Variants in NPAS3 observed in about 807,000 individuals in gnomAD.
The protein encoded by NPAS3 is neuronal PAS domain protein 3.
Under a neutral mutation model 73.1 loss-of-function variants are expected in NPAS3, and 14 were observed. The observed-to-expected ratio is 0.19, with a 90% CI of 0.13 to 0.30. The LOEUF is 0.30. Among genes scored for constraint, NPAS3 ranks in the 10% least tolerant of loss-of-function variants. The probability of loss-of-function intolerance (pLI) is 1.00; values close to 1 mark genes in which losing one functional copy is unlikely to be tolerated. For missense variants in NPAS3, 1,096 were observed against 1,250.0 expected, an observed-to-expected ratio of 0.88 and a Z score of 1.86; for synonymous variants, 620 against 541.5, an observed-to-expected ratio of 1.14 and a Z score of -2.01.
At chr14:33,234,818 A>G (rs2047975236) in intron 3 of NPAS3, among the ~76,000 whole-genome samples, 1 of 152,124 alleles carries the variant, frequency 6.6e-6, no homozygotes, top group African/African-American at 2.4e-5. Context: ...CACTGTTCCT[A>G]GATTCCCACA....
intron 3 of NPAS3, among the ~76,000 whole-genome samples, chr14:33,296,583 T>C (rs1313237749): frequency 6.6e-6 from 1 of 152,212 alleles, no homozygotes; most frequent in Non-Finnish European, 1.5e-5. Context: ...CACCACTATA[T>C]CACAATTATG....
chr14:33,677,228 T>C (rs1422956588), intron 6 of NPAS3, among the ~76,000 whole-genome samples: 1 of 152,226 alleles, frequency 6.6e-6, no homozygotes, highest in Non-Finnish European at 1.5e-5. Context: ...TTTAAATTAA[T>C]TGAAGTTCCA....
At chr14:33,403,287 G>A (rs1018808292) in intron 4 of NPAS3, among the ~76,000 whole-genome samples, 1 of 151,882 alleles carries the variant, frequency 6.6e-6, no homozygotes, top group Non-Finnish European at 1.5e-5. Flanking sequence ...TAGGTAAATA[G>A]GCATTAAAAA....
chr14:33,386,992 T>G (rs1189987394), intron 4 of NPAS3, among the ~76,000 whole-genome samples: 3 of 152,156 alleles, frequency 2.0e-5, no homozygotes, highest in Non-Finnish European at 2.9e-5. Context: ...CCTCTTGATC[T>G]AAGGGAGGAA....
chr14:33,500,312 G>C (rs1252976107), intron 4 of NPAS3, among the ~76,000 whole-genome samples: 2 of 151,872 alleles, frequency 1.3e-5, no homozygotes, highest in Non-Finnish European at 2.9e-5. Context: ...GGAGTTCTCT[G>C]AAGGTAAAGC....
intron 6 of NPAS3, among the ~76,000 whole-genome samples, chr14:33,682,867 C>T (rs1012280039): frequency 5.3e-5 from 8 of 152,186 alleles, no homozygotes; most frequent in Non-Finnish European, 1.0e-4. Flanking sequence ...TCTCCTGGCC[C>T]GATAGCTGAG....
intron 3 of NPAS3, among the ~76,000 whole-genome samples, chr14:33,275,875 C>T (rs2140035453): frequency 6.6e-6 from 1 of 152,304 alleles, no homozygotes; most frequent in East Asian, 1.9e-4. Flanking sequence ...AGCCACACAA[C>T]TATATGTGAG....
At chr14:32,945,378 T>C (rs1009931392) in intron 1 of NPAS3, among the ~76,000 whole-genome samples, 11 of 152,216 alleles carry the variant, frequency 7.2e-5, no homozygotes, top group African/African-American at 2.7e-4. Context: ...TATATAATAA[T>C]ATAAACATTG....
chr14:32,965,170 T>A (rs907310174), intron 1 of NPAS3, among the ~76,000 whole-genome samples: 15 of 152,284 alleles, frequency 9.9e-5, no homozygotes, highest in Admixed American at 5.9e-4. Flanking sequence ...CTTATCAAAC[T>A]ATTCAAAAAA....
intron 5 of NPAS3, among the ~76,000 whole-genome samples, chr14:33,623,733 A>T (rs193173796): frequency 6.6e-6 from 1 of 152,214 alleles, no homozygotes; most frequent in African/African-American, 2.4e-5. Flanking sequence ...CTCTGTTGTT[A>T]TCTCCTATTA....
intron 3 of NPAS3, among the ~76,000 whole-genome samples, chr14:33,279,663 C>T (rs894270630): frequency 6.6e-6 from 1 of 152,058 alleles, no homozygotes; most frequent in African/African-American, 2.4e-5. Flanking sequence ...ATTTGGAAAG[C>T]ATAGGGGTAG....
In NPAS3 at chr14:33,544,825, A is replaced by ATATATATTATATATATATATAAAAT; in HGVS notation, c.469-15293_469-15292insATATTATATATATATATAAAATTAT. Among the ~76,000 whole-genome samples the ATATATATTATATATATATATAAAAT allele has an allele frequency of 1.8e-4, 20 of 112,170 alleles. 1 individual carries two copies. Among genetic ancestry groups the ATATATATTATATATATATATAAAAT allele is most frequent in the Middle Eastern group, 4.6e-3 (1 of 216 alleles). The allele number at this position is 112,170 out of a possible 152,430, so 73.6% of individuals were successfully genotyped here. Reference sequence around the variant, plus strand: ...ATATATATATATGTATATATAATATATATGTGTATATATATATTATATATA... The same window carrying ATATATATTATATATATATATAAAAT: ...ATATATATATATGTATATATAATATATATATATTATATATATATATAAAATTATGTGTATATATATATTATATATA... On this transcript the variant is annotated intron_variant, in intron 4 of 11. Coordinates refer to ENST00000356141, the Ensembl canonical transcript of NPAS3.
At chr14:32,956,063 T>C (rs546562817) in intron 1 of NPAS3, among the ~76,000 whole-genome samples, 10 of 152,202 alleles carry the variant, frequency 6.6e-5, no homozygotes, top group African/African-American at 2.2e-4. Context: ...AAATATACCA[T>C]TGATGGTTTT....
intron 7 of NPAS3, among the ~76,000 whole-genome samples, chr14:33,750,529 T>C (rs2140756924): frequency 6.6e-6 from 1 of 152,300 alleles, no homozygotes; most frequent in Non-Finnish European, 1.5e-5. Context: ...TTTGTTTACA[T>C]CTACATAGTG....
chr14:33,563,258 A>T (rs945968416), intron 5 of NPAS3, among the ~76,000 whole-genome samples: 13 of 152,056 alleles, frequency 8.5e-5, no homozygotes, highest in African/African-American at 3.1e-4. Flanking sequence ...TAGAATTAGG[A>T]TTCTTTTTTG....
chr14:33,546,750 G>A (rs1042302237), intron 4 of NPAS3, among the ~76,000 whole-genome samples: 9 of 152,310 alleles, frequency 5.9e-5, no homozygotes, highest in African/African-American at 1.7e-4. Context: ...GTGAGGATAC[G>A]TTACTTGCAC....
At chr14:33,343,566 A>T (rs1481747441) in intron 3 of NPAS3, among the ~76,000 whole-genome samples, 1 of 152,134 alleles carries the variant, frequency 6.6e-6, no homozygotes, top group African/African-American at 2.4e-5. Context: ...ATGACAAGGG[A>T]TATCTCAAAC....
intron 1 of NPAS3, among the ~76,000 whole-genome samples, chr14:32,944,443 A>C (rs1056298365): frequency 2.0e-5 from 3 of 152,232 alleles, no homozygotes; most frequent in Non-Finnish European, 4.4e-5. Flanking sequence ...TCAAAATTGC[A>C]CATAATGGAA....
intron 4 of NPAS3, among the ~76,000 whole-genome samples, chr14:33,522,531 C>A (rs904790274): frequency 1.3e-5 from 2 of 152,048 alleles, no homozygotes; most frequent in Non-Finnish European, 2.9e-5. Flanking sequence ...TTAACCATCA[C>A]CATGTACTGA....
Sources: gnomAD v4.1 joint callset for allele counts (sites outside exome capture counted in the v4.1 genomes callset) on GRCh38, gnomAD v4.1.1 for gene constraint, MANE v1.5 for transcripts, NCBI Gene and HGNC (gene_info 2026-07-23, HGNC 2026-07-21) for gene names.